Variants in TDRD5 observed in about 807,000 individuals in gnomAD.
TDRD5 encodes tudor domain containing 5.
A neutral mutation model predicts 120.6 loss-of-function variants in TDRD5; 41 were observed. That is an observed-to-expected ratio of 0.34 (90% CI 0.26 to 0.44). TDRD5 has a LOEUF of 0.44. TDRD5 is among the 20% of genes least tolerant of loss of function. The pLI, the probability that TDRD5 is intolerant of heterozygous loss-of-function variation, is 1.00. For missense variants in TDRD5, 1,006 were observed against 1,221.2 expected, an observed-to-expected ratio of 0.82 and a Z score of 2.63; for synonymous variants, 430 against 433.7, an observed-to-expected ratio of 0.99 and a Z score of 0.11.
At chr1:179,620,950 T>G in intron 5 of TDRD5, 85 bp from the exon 6 acceptor site, 1 of 1,084,344 alleles carries the variant, frequency 9.2e-7, no homozygotes, top group Non-Finnish European at 1.3e-6. Context: ...CTTTTGCCTT[T>G]GTTGTTATTT....
intron 6 of TDRD5, among the ~76,000 whole-genome samples, 185 bp downstream of exon 6, chr1:179,621,276 A>G (rs1676829919): frequency 6.6e-6 from 1 of 152,152 alleles, no homozygotes; most frequent in Admixed American, 6.5e-5. Flanking sequence ...GATTATGCAT[A>G]GGAAGGATAT....
At chr1:179,626,600 A>C (rs945822316) in intron 6 of TDRD5, among the ~76,000 whole-genome samples, 3 of 152,178 alleles carry the variant, frequency 2.0e-5, no homozygotes, top group Admixed American at 6.6e-5. Context: ...TTTTGGGGTA[A>C]AGGCTACTGA....
At chr1:179,640,562 T>C in intron 11 of TDRD5, 117 bp downstream of exon 11, 4 of 1,089,180 alleles carry the variant, frequency 3.7e-6, no homozygotes, top group Non-Finnish European at 5.6e-6. Context: ...TTCAAAGAAG[T>C]CAGTGTATAG....
intron 14 of TDRD5, among the ~76,000 whole-genome samples, chr1:179,659,677 A>G (rs1382893810): frequency 1.3e-5 from 2 of 150,224 alleles, no homozygotes; most frequent in Non-Finnish European, 2.9e-5. Flanking sequence ...GACAGCATAT[A>G]GTTTGATTAT....
At position 179,592,601 on chromosome 1, in the gene TDRD5, G is replaced by A; in HGVS notation, c.-14-1G>A. 3 of 1,612,278 alleles carry A rather than the reference G, an allele frequency of 1.9e-6. No homozygotes were observed. The highest frequency in any genetic ancestry group is 2.5e-6 in the Non-Finnish European group (3 of 1,178,926). On this transcript the variant is annotated splice_acceptor_variant, in intron 1 of 17. Coordinates refer to ENST00000444136, the MANE Select transcript of TDRD5 (RefSeq NM_001199085.3). LOFTEE classifies it low-confidence loss of function (5UTR_SPLICE). Reference sequence around the variant, plus strand: ...TTCCTCAGCTGCGTTTCTGTCTTCAGTCCTGTAGGGCACAATGTCTGAACA... The same window carrying A: ...TTCCTCAGCTGCGTTTCTGTCTTCAATCCTGTAGGGCACAATGTCTGAACA...
At position 179,651,057 on chromosome 1, in the gene TDRD5, T is replaced by A; in HGVS notation, c.1991T>A (p.Ile664Asn). 2 of 1,614,096 alleles carry A rather than the reference T, an allele frequency of 1.2e-6. No homozygotes were observed. Among genetic ancestry groups the A allele is most frequent in the South Asian group, 1.1e-5 (1 of 91,084 alleles). ...EGHAIVCREN[I>N]SSKGFSELNP... is the part of the protein sequence containing the mutation. ...CATGCTATTGTATGCCGAGAAAATA[T>A]CTCTTCTAAGGTGGAGCAGTCTGGA... The change falls in exon 12 of 18, where the codon ATC (isoleucine) becomes AAC (asparagine). Residue 664 changes from isoleucine (I) to asparagine (N), a missense_variant. Physicochemically the swap from Ile to Asn is moderately radical, Grantham distance 149 (BLOSUM62 -3). This residue lies in a region of TDRD5 where 403 missense variants were observed against 448.1 expected (regional missense o/e 0.90). Transcript: ENST00000444136.
intron 11 of TDRD5, among the ~76,000 whole-genome samples, chr1:179,642,377 G>C (rs1678100576): frequency 6.6e-6 from 1 of 152,140 alleles, no homozygotes; most frequent in Non-Finnish European, 1.5e-5. Context: ...TGGGATTACA[G>C]GTATGAGCCA....
chr1:179,612,783 G>T (rs1011144275), intron 4 of TDRD5, among the ~76,000 whole-genome samples: 1 of 151,680 alleles, frequency 6.6e-6, no homozygotes, highest in Non-Finnish European at 1.5e-5. Context: ...AAAAATACAA[G>T]AATTAGCTGG....
At chr1:179,670,032 A>G (rs1462197700) in intron 17 of TDRD5, among the ~76,000 whole-genome samples, 5 of 152,220 alleles carry the variant, frequency 3.3e-5, no homozygotes, top group Non-Finnish European at 5.9e-5. Context: ...ACCATTATGA[A>G]TAAAGCTGCT....
At chr1:179,621,007 A>G in intron 5 of TDRD5, 28 bp from the exon 6 acceptor site, 3 of 1,546,330 alleles carry the variant, frequency 1.9e-6, no homozygotes, top group Non-Finnish European at 1.8e-6. Flanking sequence ...CAGTGTGTCT[A>G]TATTGTATTT....
At chr1:179,662,695 G>GT (rs1275241735) in intron 15 of TDRD5, among the ~76,000 whole-genome samples, 1 of 152,148 alleles carries the variant, frequency 6.6e-6, no homozygotes, top group East Asian at 1.9e-4. Context: ...GAATTCAAAA[G>GT]TATTTATCAG....
At chr1:179,687,646 T>C (rs1443302113) in intron 17 of TDRD5, among the ~76,000 whole-genome samples, 3 of 152,122 alleles carry the variant, frequency 2.0e-5, no homozygotes, top group East Asian at 1.9e-4. Context: ...AGTGGGGTGT[T>C]AAAGTCTCCC....
intron 17 of TDRD5, among the ~76,000 whole-genome samples, chr1:179,674,643 G>A (rs144625472): frequency 0.017 from 2,620 of 152,222 alleles, 55 homozygotes; most frequent in African/African-American, 0.059. Flanking sequence ...ATGTGTGATA[G>A]AATTCAGCTG....
intron 4 of TDRD5, among the ~76,000 whole-genome samples, chr1:179,603,308 CAT>C (rs1192353847): frequency 3.3e-5 from 5 of 152,106 alleles, no homozygotes; most frequent in African/African-American, 9.7e-5. Context: ...GGTAAATGAT[CAT>C]ATTGTCAGCA....
chr1:179,628,311 TTTC>T (rs1677241690), intron 6 of TDRD5, among the ~76,000 whole-genome samples: 1 of 99,174 alleles, frequency 1.0e-5, no homozygotes, highest in Non-Finnish European at 2.1e-5. Context: ...ATTTATTTCT[TTTC>T]TTTTCTTTTC....
At chr1:179,666,572 G>A (rs930428698) in intron 16 of TDRD5, among the ~76,000 whole-genome samples, 1 of 151,912 alleles carries the variant, frequency 6.6e-6, no homozygotes, top group Non-Finnish European at 1.5e-5. Context: ...CCTACCTCCC[G>A]ACGTAATTTG....
intron 4 of TDRD5, among the ~76,000 whole-genome samples, chr1:179,615,228 C>A (rs1414014863): frequency 6.6e-6 from 1 of 152,028 alleles, no homozygotes; most frequent in Non-Finnish European, 1.5e-5. Flanking sequence ...GCTTATTTAC[C>A]TCTGTATATC....
At chr1:179,633,843 A>G (rs1397331179) in intron 7 of TDRD5, among the ~76,000 whole-genome samples, 1 of 152,108 alleles carries the variant, frequency 6.6e-6, no homozygotes. Context: ...AATTGAAATC[A>G]AGATGCTGAA....
At chr1:179,673,010 A>C (rs1679935422) in intron 17 of TDRD5, among the ~76,000 whole-genome samples, 2 of 152,172 alleles carry the variant, frequency 1.3e-5, no homozygotes, top group South Asian at 4.1e-4. Context: ...CTTATAGTAT[A>C]GTTTGAAGTC....
Sources: allele counts gnomAD v4.1 joint callset (sites outside exome capture counted in the v4.1 genomes callset), GRCh38; gene constraint gnomAD v4.1.1; regional missense constraint gnomAD v4.1.1; transcripts MANE v1.5; gene names NCBI Gene and HGNC (gene_info 2026-07-23, HGNC 2026-07-21).